Variants in GPHN observed in about 807,000 individuals in gnomAD.
GPHN encodes the protein gephyrin.
A neutral mutation model predicts 95.5 loss-of-function variants in GPHN; 17 were observed. The ratio of observed to expected loss-of-function variants is 0.18; its 90% CI spans 0.12 to 0.27. The LOEUF is 0.27. GPHN is among the 10% of genes least tolerant of loss of function. The probability of loss-of-function intolerance (pLI) is 1.00; values close to 1 mark genes in which losing one functional copy is unlikely to be tolerated. For synonymous variants in GPHN, 320 were observed against 322.5 expected, an observed-to-expected ratio of 0.99 and a Z score of 0.08; for missense variants, 660 against 978.1, an observed-to-expected ratio of 0.67 and a Z score of 4.34.
intron 2 of GPHN, among the ~76,000 whole-genome samples, chr14:66,763,088 C>T (rs993078176): frequency 6.6e-6 from 1 of 152,002 alleles, no homozygotes; most frequent in Non-Finnish European, 1.5e-5. Context: ...TACTGTCAGC[C>T]GTCCACATCT....
intron 2 of GPHN, among the ~76,000 whole-genome samples, chr14:66,766,513 TC>T (rs2058967706): frequency 6.6e-6 from 1 of 152,086 alleles, no homozygotes; most frequent in Non-Finnish European, 1.5e-5. Flanking sequence ...AACAGACAGT[TC>T]ATTAGAAAAT....
chr14:66,938,529 T>C (rs146675349), intron 8 of GPHN, among the ~76,000 whole-genome samples: 61 of 152,292 alleles, frequency 4.0e-4, no homozygotes, highest in African/African-American at 1.3e-3. Flanking sequence ...TCTGCTTTCA[T>C]GAAACTTTCT....
the GPHN span, chr14:67,685,055 A>C: frequency 6.8e-6 from 11 of 1,613,480 alleles, no homozygotes; most frequent in Non-Finnish European, 9.3e-6. Context: ...CCTTCTGTTA[A>C]GGCACAGTGC....
At chr14:67,408,588 T>C in the GPHN span, among the ~76,000 whole-genome samples, 2 of 152,068 alleles carry the variant, frequency 1.3e-5, no homozygotes, top group Admixed American at 6.6e-5. Context: ...AAGAGACACA[T>C]AGGGAGAGGA....
At chr14:67,041,256 T>A (rs1383468557) in intron 10 of GPHN, among the ~76,000 whole-genome samples, 1 of 151,956 alleles carries the variant, frequency 6.6e-6, no homozygotes, top group Non-Finnish European at 1.5e-5. Flanking sequence ...CTGGGGTACA[T>A]GTGTAGAAGG....
chr14:66,907,613 A>C (rs2065450319), intron 5 of GPHN, among the ~76,000 whole-genome samples: 1 of 152,168 alleles, frequency 6.6e-6, no homozygotes, highest in Non-Finnish European at 1.5e-5. Flanking sequence ...CTCTGCCAAG[A>C]GAATTTAAAT....
At chr14:67,729,280 C>G in the GPHN span, 1 of 1,605,742 alleles carries the variant, frequency 6.2e-7, no homozygotes, top group South Asian at 1.1e-5. Context: ...GCTCTGGCGG[C>G]TCTTCTCCCC....
intron 9 of GPHN, among the ~76,000 whole-genome samples, chr14:66,993,367 G>A (rs966182590): frequency 2.0e-5 from 3 of 152,066 alleles, no homozygotes; most frequent in Non-Finnish European, 4.4e-5. Context: ...GGTTTTCAGA[G>A]TACAAAGATA....
chr14:66,793,623 G>A (rs1421021354), intron 3 of GPHN, among the ~76,000 whole-genome samples: 1 of 151,872 alleles, frequency 6.6e-6, no homozygotes, highest in Non-Finnish European at 1.5e-5. Flanking sequence ...GTATACTTAT[G>A]CATAAGTATA....
At chr14:67,332,993 T>G in the GPHN span, 1 of 1,568,898 alleles carries the variant, frequency 6.4e-7, no homozygotes, top group Non-Finnish European at 8.7e-7. Flanking sequence ...GGACTTGATC[T>G]GGCAAAAACT....
chr14:67,503,760 G>A, the GPHN span, among the ~76,000 whole-genome samples: 13,368 of 151,832 alleles, frequency 0.088, 605 homozygotes, highest in African/African-American at 0.12. Context: ...CTGGAGTACA[G>A]TCGTGCGATC....
intron 1 of GPHN, among the ~76,000 whole-genome samples, chr14:66,582,135 A>G (rs1330119295): frequency 2.6e-5 from 4 of 152,096 alleles, no homozygotes; most frequent in Non-Finnish European, 5.9e-5. Context: ...AAGTCAGACC[A>G]GAAAATAAAT....
chr14:67,005,505 T>C (rs1717030227), intron 9 of GPHN, among the ~76,000 whole-genome samples: 1 of 151,956 alleles, frequency 6.6e-6, no homozygotes, highest in South Asian at 2.1e-4. Context: ...TCTTTTCCAT[T>C]AGCTTTGAAA....
At chr14:67,695,683 C>T in the GPHN span, 5 of 1,614,192 alleles carry the variant, frequency 3.1e-6, no homozygotes, top group Non-Finnish European at 4.2e-6. Context: ...GGAGCAACAG[C>T]GGGAACATGA....
At chr14:67,446,249 G>A in the GPHN span, among the ~76,000 whole-genome samples, 1 of 152,312 alleles carries the variant, frequency 6.6e-6, no homozygotes, top group South Asian at 2.1e-4. Flanking sequence ...CTTGATGATT[G>A]CTTAGGTCCA....
At chr14:67,547,561 G>A in the GPHN span, among the ~76,000 whole-genome samples, 1 of 152,146 alleles carries the variant, frequency 6.6e-6, no homozygotes, top group Non-Finnish European at 1.5e-5. Flanking sequence ...CCACCCATCT[G>A]CTCCCCTACC....
intron 16 of GPHN, among the ~76,000 whole-genome samples, chr14:67,117,337 G>A (rs2078750384): frequency 1.3e-5 from 2 of 152,254 alleles, no homozygotes; most frequent in South Asian, 4.1e-4. Context: ...ACTTCAAAAT[G>A]ACCACTGCAA....
At chr14:67,721,668 T>C in the GPHN span, among the ~76,000 whole-genome samples, 4 of 152,012 alleles carry the variant, frequency 2.6e-5, no homozygotes, top group Admixed American at 1.3e-4. Flanking sequence ...AGCTGACTCT[T>C]ATATACTGTT....
intron 10 of GPHN, among the ~76,000 whole-genome samples, chr14:67,036,414 T>TGGAAAGAA (rs1489784088): frequency 6.7e-6 from 1 of 149,746 alleles, no homozygotes; most frequent in Non-Finnish European, 1.5e-5. Context: ...GCATCCCAAA[T>TGGAAAGAA]GGAAAGAAAG....
Sources: allele counts gnomAD v4.1 joint callset (sites outside exome capture counted in the v4.1 genomes callset), GRCh38; gene constraint gnomAD v4.1.1; transcripts MANE v1.5; gene names NCBI Gene and HGNC (gene_info 2026-07-23, HGNC 2026-07-21).